PRCC: variants seen among roughly 807,000 people sequenced by gnomAD.
PRCC encodes the protein proline rich mitotic checkpoint control factor, also known as proline-rich protein PRCC.
Under a neutral mutation model 44.0 loss-of-function variants are expected in PRCC, and 10 were observed. The ratio of observed to expected loss-of-function variants is 0.23; its 90% CI spans 0.14 to 0.39. PRCC has a LOEUF of 0.39. PRCC is among the 10% of genes least tolerant of loss of function. PRCC has a pLI of 1.00. For synonymous variants in PRCC, 278 were observed against 259.5 expected, an observed-to-expected ratio of 1.07 and a Z score of -0.69; for missense variants, 573 against 624.7, an observed-to-expected ratio of 0.92 and a Z score of 0.88.
intron 1 of PRCC, among the ~76,000 whole-genome samples, chr1:156,774,786 T>C (rs1651758780): frequency 6.6e-6 from 1 of 151,830 alleles, no homozygotes; most frequent in Non-Finnish European, 1.5e-5. Flanking sequence ...ACCCCATCTC[T>C]ACTAAAAATA....
chr1:156,779,923 C>T (rs527441073), intron 1 of PRCC, among the ~76,000 whole-genome samples: 1 of 150,904 alleles, frequency 6.6e-6, no homozygotes, highest in African/African-American at 2.4e-5. Context: ...ACAGAGTCTG[C>T]TCTGTTACCC....
intron 3 of PRCC, 146 bp downstream of exon 3, chr1:156,787,320 C>T (rs12065775): frequency 8.7e-6 from 8 of 919,790 alleles, no homozygotes; most frequent in Non-Finnish European, 9.7e-6. Flanking sequence ...TACCTTTATT[C>T]TGAACCATAT....
chr1:156,799,676 C>T (rs1652774833), intron 6 of PRCC, among the ~76,000 whole-genome samples: 1 of 151,892 alleles, frequency 6.6e-6, no homozygotes, highest in Non-Finnish European at 1.5e-5. Context: ...TCTCTTAACC[C>T]CCACCCCAAA....
At position 156,791,809 on chromosome 1, in the gene PRCC, C is replaced by G; in HGVS notation, c.1179+17C>G. The G allele has an allele frequency of 6.2e-7, 1 of 1,603,748 alleles. No homozygotes were observed. ...GACGAAGCAGTAAGTTAAGAAAGCA[C>G]AAGTGACCATCTTTGACCGCTGGGC... On this transcript the variant is annotated intron_variant, in intron 4 of 6. Transcript: ENST00000271526.
intron 3 of PRCC, chr1:156,791,328 G>T (rs1377858725): frequency 3.9e-6 from 2 of 513,188 alleles, no homozygotes; most frequent in Non-Finnish European, 7.2e-6. Context: ...GCTCATTGGG[G>T]TCTTATGAGC....
chr1:156,798,840 CAAAAAAAAAA>C (rs890646541), intron 6 of PRCC, among the ~76,000 whole-genome samples: 724 of 53,694 alleles, frequency 0.013, 13 homozygotes, highest in African/African-American at 0.041. Context: ...GACTCCATCT[CAAAAAAAAAA>C]AAAAAAAAAG....
At chr1:156,795,163 T>G (rs1652613727) in intron 5 of PRCC, among the ~76,000 whole-genome samples, 1 of 152,006 alleles carries the variant, frequency 6.6e-6, no homozygotes, top group Admixed American at 6.6e-5. Context: ...TGATTTAAAG[T>G]TTTTTGCTTT....
chr1:156,796,335 AAGG>A (rs1652659946), intron 5 of PRCC: 1 of 152,238 alleles, frequency 6.6e-6, no homozygotes. Context: ...ATTTTGTTAA[AAGG>A]AGAAAAAGAT....
At chr1:156,785,097 A>G (rs1014132945) in intron 2 of PRCC, among the ~76,000 whole-genome samples, 2 of 152,198 alleles carry the variant, frequency 1.3e-5, no homozygotes, top group Non-Finnish European at 2.9e-5. Flanking sequence ...ATATTTTTGT[A>G]AAAAGCAGTA....
intron 2 of PRCC, among the ~76,000 whole-genome samples, chr1:156,785,009 C>CATATATAT (rs144129979): frequency 6.0e-5 from 9 of 151,254 alleles, no homozygotes; most frequent in African/African-American, 1.9e-4. Flanking sequence ...AAAAATACAG[C>CATATATAT]ATATATATAT....
At chr1:156,783,012 C>T (rs927728613) in intron 2 of PRCC, among the ~76,000 whole-genome samples, 1 of 152,112 alleles carries the variant, frequency 6.6e-6, no homozygotes, top group Non-Finnish European at 1.5e-5. Flanking sequence ...TCAAGTGATT[C>T]TCCTGCCTTA....
At chr1:156,775,102 G>A (rs1458700113) in intron 1 of PRCC, among the ~76,000 whole-genome samples, 7 of 152,138 alleles carry the variant, frequency 4.6e-5, no homozygotes, top group African/African-American at 1.4e-4. Context: ...CAAAAAATTA[G>A]CCAAGCGTGG....
rs1487248639 is a variant in PRCC at position 156,786,970 on chromosome 1, C to T, written c.879C>T (p.Tyr293=). The stretch of plus-strand genomic sequence containing the variant: ...CACCTGGAGTTGAGCCATACCCTTA[C>T]CCCATCCCCACTGTCCCTGAAGAGC... The part of the protein sequence containing the change: ...AEPPGVEPYP[Y]PIPTVPEELP... The change falls in exon 3 of 7, where the codon TAC becomes TAT. Residue 293 remains tyrosine, a synonymous_variant. Coordinates refer to ENST00000271526, the MANE Select transcript of PRCC (RefSeq NM_005973.5). 9.3e-6 allele frequency: 15 copies of T among 1,614,126 alleles called. 1 individual carries two copies. The South Asian group carries it at 1.6e-4, about 18-fold the overall frequency.
intron 1 of PRCC, among the ~76,000 whole-genome samples, chr1:156,771,312 G>T (rs937958873): frequency 6.6e-6 from 1 of 152,124 alleles, no homozygotes; most frequent in African/African-American, 2.4e-5. Flanking sequence ...GCCATGCTAG[G>T]GTCTTTCTAC....
At chr1:156,785,864 TACAGTGGCATGATCTCGGCTCAC>T (rs1652224141) in intron 2 of PRCC, among the ~76,000 whole-genome samples, 2 of 147,684 alleles carry the variant, frequency 1.4e-5, no homozygotes, top group South Asian at 4.3e-4. Context: ...CAAGCTGGAG[TACAGTGGCATGATCTCGGCTCAC>T]TGCAACCTCC....
intron 2 of PRCC, among the ~76,000 whole-genome samples, chr1:156,786,088 G>C (rs1652235083): frequency 6.6e-6 from 1 of 152,150 alleles, no homozygotes; most frequent in East Asian, 1.9e-4. Context: ...GGGATTACAG[G>C]CGTGAGCCAC....
intron 1 of PRCC, among the ~76,000 whole-genome samples, chr1:156,777,086 C>T (rs967154068): frequency 6.6e-6 from 1 of 152,176 alleles, no homozygotes; most frequent in Non-Finnish European, 1.5e-5. Context: ...TGGGTAAGTA[C>T]TATTTGCACC....
intron 1 of PRCC, among the ~76,000 whole-genome samples, chr1:156,776,949 G>T (rs1651849183): frequency 6.6e-6 from 1 of 152,158 alleles, no homozygotes; most frequent in South Asian, 2.1e-4. Flanking sequence ...TTAGGTGCCA[G>T]GTGCTTAAGT....
chr1:156,800,611 AT>A lies in PRCC; in HGVS notation c.*156del. The A allele has an allele frequency of 1.4e-6, 1 of 721,328 alleles. No homozygotes were observed. Among genetic ancestry groups the A allele is most frequent in the East Asian group, 2.7e-5 (1 of 37,004 alleles). The allele number at this position is 721,328 out of a possible 1,614,324, so 44.7% of individuals were successfully genotyped here. On this transcript the variant is annotated 3_prime_UTR_variant, in exon 7 of 7. Transcript: ENST00000271526. ...CTGCGAGAATGAACATATTTGATAG[AT>A]TTTTCTTAACAAGTTAGAAAATTCA...
Sources: allele counts gnomAD v4.1 joint callset (sites outside exome capture counted in the v4.1 genomes callset), GRCh38; gene constraint gnomAD v4.1.1; transcripts MANE v1.5; gene names NCBI Gene and HGNC (gene_info 2026-07-23, HGNC 2026-07-21).